Variants in KAZN observed in about 807,000 individuals in gnomAD.
The protein encoded by KAZN is kazrin.
A neutral mutation model predicts 87.4 loss-of-function variants in KAZN; 40 were observed. That is an observed-to-expected ratio of 0.46 (90% CI 0.36 to 0.60). The LOEUF is 0.60. Ranked by LOEUF, KAZN falls within the 20% of genes least tolerant of loss-of-function variation. The pLI is 0.00. For synonymous variants in KAZN, 466 were observed against 458.3 expected (o/e 1.02, Z -0.22); for missense variants, 898 against 1,073.9 (o/e 0.84, Z 2.29).
At chr1:14,888,926 T>A (rs1654410477) in intron 1 of KAZN, among the ~76,000 whole-genome samples, 2 of 152,206 alleles carry the variant, frequency 1.3e-5, no homozygotes, top group Admixed American at 6.5e-5. Context: ...AGGTGTCCAA[T>A]CTTTTGGCTC....
In KAZN at chr1:14,415,818, C is replaced by T. The variant is rs562424423; in HGVS notation, c.250-183165C>T. On this transcript the variant is annotated intron_variant, in intron 2 of 16. Transcript: ENST00000636203. ...TAGCCCCGCTTCCCCCAAAGAACCC[C>T]TTGTGCTTGTGTTGTTGTCTTGGAT... Among the ~76,000 whole-genome samples, 12 of 152,050 alleles carry T rather than the reference C, an allele frequency of 7.9e-5. No individual in the cohort carries two copies. The South Asian group carries it at 1.7e-3, about 21-fold the overall frequency.
intron 2 of KAZN, among the ~76,000 whole-genome samples, chr1:14,288,137 T>C (rs892831459): frequency 2.0e-5 from 3 of 152,216 alleles, no homozygotes; most frequent in Admixed American, 1.3e-4. Context: ...GGTGTAAAAT[T>C]CTCTTTTTTT....
At chr1:14,977,432 G>A (rs989296943) in intron 2 of KAZN, among the ~76,000 whole-genome samples, 6 of 152,174 alleles carry the variant, frequency 3.9e-5, no homozygotes, top group Admixed American at 3.9e-4. Flanking sequence ...AACGTGCCCC[G>A]ACCCTGCCTT....
intron 8 of KAZN, among the ~76,000 whole-genome samples, chr1:15,074,002 C>G (rs1432999001): frequency 6.6e-6 from 1 of 152,230 alleles, no homozygotes; most frequent in Non-Finnish European, 1.5e-5. Context: ...CCCCACCACC[C>G]CCAGCCCAGC....
rs1016070488 is a variant in KAZN at position 15,096,349 on chromosome 1, G to A, written c.1547+1416G>A. Among the ~76,000 whole-genome samples the A allele has an allele frequency of 6.6e-6, 1 of 152,234 alleles. No individual in the cohort carries two copies. Among genetic ancestry groups the A allele is most frequent in the African/African-American group, 2.4e-5 (1 of 41,450 alleles). ...TTCATAGATTACTTTTGTAGTGGGG[G>A]CAAGGGCAGAAAAACAAAAACACTA... On this transcript the variant is annotated intron_variant, in intron 10 of 14. Transcript: ENST00000376030. This position sits in a 1 kb window ranked among gnomAD's most constrained non-coding sequence, Gnocchi z 4.5.
Position 14,396,196 on chromosome 1 carries a change from A to G in KAZN, c.250-202787A>G, listed in dbSNP as rs72869101. On this transcript the variant is annotated intron_variant, in intron 2 of 16. Coordinates refer to the KAZN transcript ENST00000636203. ...AAAAAAAAAAAAAACTGCAACAAAT[A>G]AAGCAAAACAAGAAAAAACTTAGGT... 5.7e-3 allele frequency among the ~76,000 whole-genome samples: 859 copies of G among 151,988 alleles called. 4 individuals are homozygous for G. Among genetic ancestry groups the G allele is most frequent in the African/African-American group, 0.019 (794 of 41,440 alleles).
At chr1:15,040,031 C>T (rs1047893025) in intron 3 of KAZN, among the ~76,000 whole-genome samples, 2 of 152,268 alleles carry the variant, frequency 1.3e-5, no homozygotes, top group East Asian at 1.9e-4. Context: ...GCCTGTAGAT[C>T]GGTGGAATAG....
intron 1 of KAZN, among the ~76,000 whole-genome samples, chr1:13,958,386 C>T (rs886196291): frequency 1.1e-4 from 17 of 151,778 alleles, no homozygotes; most frequent in African/African-American, 2.9e-4. Flanking sequence ...CTGGCTAACA[C>T]GGTGAAACCC....
chr1:14,776,867 A>G (rs1645187609), intron 1 of KAZN, among the ~76,000 whole-genome samples: 1 of 150,526 alleles, frequency 6.6e-6, no homozygotes, highest in Admixed American at 6.6e-5. Context: ...GTCCGGGACA[A>G]TGAGGCTGCA....
chr1:14,814,933 T>C (rs1413437587), intron 1 of KAZN, among the ~76,000 whole-genome samples: 1 of 152,136 alleles, frequency 6.6e-6, no homozygotes, highest in African/African-American at 2.4e-5. Context: ...AGGGGTCATG[T>C]TGAGAATTAA....
chr1:14,696,392 T>C (rs1346763732), intron 1 of KAZN, among the ~76,000 whole-genome samples: 1 of 151,940 alleles, frequency 6.6e-6, no homozygotes, highest in Non-Finnish European at 1.5e-5. Flanking sequence ...TTAACCCCAG[T>C]GAGGAGGTGG....
intron 2 of KAZN, among the ~76,000 whole-genome samples, chr1:14,380,125 A>G (rs1174292595): frequency 2.0e-5 from 3 of 152,252 alleles, no homozygotes; most frequent in Admixed American, 2.0e-4. Context: ...CTACCAAGGC[A>G]GTACCTCTGT....
At chr1:14,924,222 C>T in intron 1 of KAZN, 1 of 980,388 alleles carries the variant, frequency 1.0e-6, no homozygotes, top group Non-Finnish European at 1.2e-6. Flanking sequence ...AGCCCTGGTC[C>T]GGCGCGCGCC....
intron 1 of KAZN, among the ~76,000 whole-genome samples, chr1:14,016,539 T>C (rs1054281539): frequency 6.6e-6 from 1 of 152,040 alleles, no homozygotes. Context: ...GTTGGGGGCA[T>C]GTTTATGAGA....
At chr1:14,529,048 A>G (rs1672067878) in intron 2 of KAZN, among the ~76,000 whole-genome samples, 1 of 152,148 alleles carries the variant, frequency 6.6e-6, no homozygotes, top group Admixed American at 6.5e-5. Flanking sequence ...TCATGCCTGT[A>G]ATCCCAGCAC....
At chr1:15,048,907 TGGTC>T (rs1673984280) in intron 4 of KAZN, among the ~76,000 whole-genome samples, 1 of 150,412 alleles carries the variant, frequency 6.6e-6, no homozygotes, top group African/African-American at 2.5e-5. Flanking sequence ...CCTGGGTCGT[TGGTC>T]ATGCCGTTCA....
chr1:14,100,625 C>T (rs1644228705), intron 1 of KAZN, among the ~76,000 whole-genome samples: 1 of 152,144 alleles, frequency 6.6e-6, no homozygotes. Flanking sequence ...GACTCAGTGC[C>T]CAGGGCTTTG....
At chr1:14,659,176 C>T (rs1638996794) in intron 1 of KAZN, among the ~76,000 whole-genome samples, 1 of 152,120 alleles carries the variant, frequency 6.6e-6, no homozygotes, top group Non-Finnish European at 1.5e-5. Context: ...TGTAGTGAGC[C>T]AAGATCCTGC....
intron 2 of KAZN, among the ~76,000 whole-genome samples, chr1:14,590,721 G>A (rs1235771798): frequency 2.0e-5 from 3 of 152,082 alleles, no homozygotes; most frequent in East Asian, 1.9e-4. Context: ...CTCCATCACC[G>A]ATAACATCTA....
Sources: allele counts gnomAD v4.1 joint callset (sites outside exome capture counted in the v4.1 genomes callset), GRCh38; gene constraint gnomAD v4.1.1; non-coding constraint Gnocchi (gnomAD v3.1); transcripts MANE v1.5; gene names NCBI Gene and HGNC (gene_info 2026-07-23, HGNC 2026-07-21).